KLRG2: variants seen among roughly 807,000 people sequenced by gnomAD.
KLRG2 encodes killer cell lectin-like receptor subfamily G member 2.
In KLRG2, 39 loss-of-function variants were observed where a neutral mutation model predicts 35.4. The observed-to-expected ratio is 1.10, with a 90% CI of 0.85 to 1.44. The LOEUF is 1.44. Ranked by LOEUF, KLRG2 falls within the 40% of genes most tolerant of loss-of-function variation. KLRG2 has a pLI of 0.00. For missense variants in KLRG2, 632 were observed against 570.9 expected (o/e 1.11, Z -1.09); for synonymous variants, 283 against 265.8 (o/e 1.06, Z -0.63).
At chr7:139,450,263 G>A (rs540751986), downstream of KLRG2, among the ~76,000 whole-genome samples, 42 of 149,594 alleles carry the variant, frequency 2.8e-4, no homozygotes, top group Non-Finnish European at 4.6e-4. Context: ...TTGCTCTGTC[G>A]CCCAGGCTGG....
At chr7:139,449,120 T>C (rs1195037110), downstream of KLRG2, among the ~76,000 whole-genome samples, 2 of 120,298 alleles carry the variant, frequency 1.7e-5, no homozygotes, top group African/African-American at 3.1e-5. Flanking sequence ...AAAAAAAAAT[T>C]GTTGGGCGTG....
In KLRG2 at chr7:139,483,492, C is replaced by A. The variant is rs1482526161; in HGVS notation, c.151G>T (p.Ala51Ser). ...PEGPESSPSP[A>S]GAVEKAAGAG... ...CCCGCCGCCTTCTCCACGGCCCCGG[C>A]CGGACTTGGGCTGCTTTCGGGACCT... Residue 51 changes from alanine to serine, a missense_variant, in exon 1 of 5, where the codon GCC becomes TCC. Physicochemically the swap from Ala to Ser is moderately conservative, Grantham distance 99. Coordinates refer to ENST00000340940, the MANE Select transcript of KLRG2 (RefSeq NM_198508.4). 4 of 1,597,118 alleles carry A rather than the reference C, an allele frequency of 2.5e-6. No homozygotes were observed. The highest frequency in any genetic ancestry group is 3.4e-6 in the Non-Finnish European group (4 of 1,178,376).
chr7:139,481,517 C>A (rs1239103003), intron 1 of KLRG2, among the ~76,000 whole-genome samples: 1 of 152,282 alleles, frequency 6.6e-6, no homozygotes, highest in South Asian at 2.1e-4. Flanking sequence ...ATCAGCCAAG[C>A]TTTTGCCAGT....
intron 3 of KLRG2, among the ~76,000 whole-genome samples, chr7:139,465,379 A>G (rs1796633718): frequency 6.6e-6 from 1 of 152,194 alleles, no homozygotes; most frequent in South Asian, 2.1e-4. Context: ...AACTCTTCTC[A>G]AAGCCGCTTT....
the KLRG2 span, among the ~76,000 whole-genome samples, chr7:139,447,681 G>A: frequency 1.4e-4 from 22 of 152,076 alleles, no homozygotes; most frequent in African/African-American, 5.1e-4. Flanking sequence ...GGGACTACAG[G>A]TGTGAGCCAC....
the KLRG2 span, among the ~76,000 whole-genome samples, chr7:139,427,367 C>A: frequency 2.6e-5 from 4 of 152,120 alleles, no homozygotes; most frequent in Non-Finnish European, 5.9e-5. Context: ...AAGCTAATGG[C>A]CAGCATTGGC....
chr7:139,443,604 C>T, the KLRG2 span, among the ~76,000 whole-genome samples: 12,913 of 152,072 alleles, frequency 0.085, 1,874 homozygotes, highest in African/African-American at 0.29. Context: ...CCCTGCTGCC[C>T]AGGCTGGAGT....
At chr7:139,470,869 G>T (rs1249096507) in intron 3 of KLRG2, among the ~76,000 whole-genome samples, 1 of 150,846 alleles carries the variant, frequency 6.6e-6, no homozygotes, top group East Asian at 1.9e-4. Context: ...TTGAGACAGA[G>T]TCTCACTCTA....
intron 3 of KLRG2, among the ~76,000 whole-genome samples, chr7:139,466,855 G>T (rs1363181480): frequency 1.4e-5 from 2 of 144,488 alleles, no homozygotes; most frequent in South Asian, 4.3e-4. Flanking sequence ...AAAAAAAAAA[G>T]CTCAAAGATA....
the KLRG2 span, among the ~76,000 whole-genome samples, chr7:139,439,895 C>A: frequency 1.3e-3 from 201 of 152,102 alleles, 1 homozygote; most frequent in African/African-American, 4.1e-3. Flanking sequence ...TTAAAAAAAA[C>A]CAAAAACCCA....
At chr7:139,442,936 C>A in the KLRG2 span, among the ~76,000 whole-genome samples, 22 of 151,968 alleles carry the variant, frequency 1.4e-4, no homozygotes, top group African/African-American at 5.3e-4. Flanking sequence ...AAAAACGATA[C>A]ATTGGGATTG....
chr7:139,447,074 T>C, the KLRG2 span, among the ~76,000 whole-genome samples: 1 of 152,154 alleles, frequency 6.6e-6, no homozygotes, highest in Non-Finnish European at 1.5e-5. Context: ...AACACATCAG[T>C]GGTGTTTACT....
intron 3 of KLRG2, among the ~76,000 whole-genome samples, chr7:139,469,305 G>A (rs762912284): frequency 3.3e-5 from 5 of 152,054 alleles, no homozygotes; most frequent in African/African-American, 7.2e-5. Flanking sequence ...GACTACAGGC[G>A]TGTGCCACCA....
chr7:139,476,305 A>C (rs532996184), intron 3 of KLRG2, among the ~76,000 whole-genome samples: 1 of 152,264 alleles, frequency 6.6e-6, no homozygotes, highest in South Asian at 2.1e-4. Flanking sequence ...CCCACGGAGG[A>C]GGGAGGCAAA....
chr7:139,468,020 C>T (rs1202468612), intron 3 of KLRG2, among the ~76,000 whole-genome samples: 1 of 152,336 alleles, frequency 6.6e-6, no homozygotes, highest in Non-Finnish European at 1.5e-5. Flanking sequence ...GGCAGCAACA[C>T]TGCTCTTTAA....
At chr7:139,453,731 G>C (rs755407410) in intron 4 of KLRG2, 24 bp from the exon 5 acceptor site, 90 of 1,613,526 alleles carry the variant, frequency 5.6e-5, no homozygotes, top group Non-Finnish European at 7.0e-5. Context: ...GGAGGGGAAA[G>C]AGGAGAGGTG....
intron 3 of KLRG2, among the ~76,000 whole-genome samples, chr7:139,468,415 T>G (rs2116457214): frequency 6.6e-6 from 1 of 152,312 alleles, no homozygotes; most frequent in South Asian, 2.1e-4. Context: ...GAAATTCCTT[T>G]TCCTGGCTCA....
downstream of KLRG2, among the ~76,000 whole-genome samples, chr7:139,451,229 G>A (rs764163349): frequency 7.9e-5 from 12 of 152,188 alleles, no homozygotes; most frequent in Non-Finnish European, 1.0e-4. Context: ...GCCGTGCACC[G>A]TGGCTCACGC....
chr7:139,433,775 A>G, the KLRG2 span, among the ~76,000 whole-genome samples: 1 of 151,810 alleles, frequency 6.6e-6, no homozygotes. Flanking sequence ...AGCCGGGATT[A>G]CAGGTGCCTG....
Sources: gnomAD v4.1 joint callset for allele counts (sites outside exome capture counted in the v4.1 genomes callset) on GRCh38, gnomAD v4.1.1 for gene constraint, MANE v1.5 for transcripts, NCBI Gene and HGNC (gene_info 2026-07-23, HGNC 2026-07-21) for gene names.